COL4A4: variants seen among roughly 807,000 people sequenced by gnomAD.
The protein encoded by COL4A4 is collagen type IV alpha 4 chain.
COL4A4 carries 105 observed loss-of-function variants against 192.9 expected under a neutral mutation model. The observed-to-expected ratio is 0.54, with a 90% CI of 0.46 to 0.64. The LOEUF (loss-of-function observed/expected upper bound fraction) is 0.64, where lower values mean the gene tolerates loss of function less well. COL4A4 is among the 30% of genes least tolerant of loss of function. COL4A4 has a pLI of 0.00. For missense variants in COL4A4, 1,967 were observed against 2,169.3 expected (o/e 0.91, Z 1.85); for synonymous variants, 762 against 769.9 (o/e 0.99, Z 0.17).
chr2:227,047,488 G>T lies in COL4A4; in HGVS notation c.3276C>A (p.Ser1092Arg). 1 of 1,613,124 alleles carries T rather than the reference G, an allele frequency of 6.2e-7. No homozygotes were observed. The highest frequency in any genetic ancestry group is 2.2e-5 in the East Asian group (1 of 44,874). The change falls in exon 35 of 48, where the codon AGC becomes AGA. Residue 1092 changes from serine (S) to arginine (R), a missense_variant. Coordinates refer to ENST00000396625, the MANE Select transcript of COL4A4 (RefSeq NM_000092.5). ...GPPGPKGEPGSPGCPGHFGAS... is the reference protein window; with the variant it reads ...GPPGPKGEPGRPGCPGHFGAS... ...ATGCAGCTATACCTGGACATCCAGGGCTACCTGGCTCACCCTTTGGACCAG... is the reference window on the plus strand; with the variant it reads ...ATGCAGCTATACCTGGACATCCAGGTCTACCTGGCTCACCCTTTGGACCAG...
chr2:227,055,431 G>C (rs1975092228), intron 30 of COL4A4, among the ~76,000 whole-genome samples: 1 of 151,932 alleles, frequency 6.6e-6, no homozygotes, highest in South Asian at 2.1e-4. Context: ...GGAGTTCAAG[G>C]CTGCAGTGAG....
In COL4A4 at chr2:227,123,249, G is replaced by A. The variant is rs888443963; in HGVS notation, c.193-2101C>T. Among the ~76,000 whole-genome samples the A allele has an allele frequency of 1.8e-4, 27 of 152,190 alleles. No individual in the cohort carries two copies. Among genetic ancestry groups the A allele is most frequent in the African/African-American group, 6.0e-4 (25 of 41,448 alleles). ...ATGGGGCAGGAGCCCCGTAAAAATAGTGCAAGAACATTCACCACAGTGTTA... is the reference window on the plus strand; with the variant it reads ...ATGGGGCAGGAGCCCCGTAAAAATAATGCAAGAACATTCACCACAGTGTTA... On this transcript the variant is annotated intron_variant, in intron 4 of 47. Transcript: ENST00000396625. The surrounding 1 kb of genome is among the most constrained non-coding windows in gnomAD (Gnocchi z 4.6).
At chr2:227,041,846 A>AAGAAAGAAAGAGAGAGAG (rs1559478097) in intron 37 of COL4A4, among the ~76,000 whole-genome samples, 8 of 39,320 alleles carry the variant, frequency 2.0e-4, no homozygotes, top group African/African-American at 2.7e-4. Flanking sequence ...GAAAGAAAGA[A>AAGAAAGAAAGAGAGAGAG]AGAGAAAGAA....
intron 1 of COL4A4, among the ~76,000 whole-genome samples, chr2:227,148,255 T>G (rs1241422258): frequency 1.3e-5 from 2 of 152,206 alleles, no homozygotes; most frequent in African/African-American, 4.8e-5. Flanking sequence ...ACAACCCGCA[T>G]GTCCATCAGT....
rs886055726 is a variant in COL4A4, at chr2:227,077,918, G to A, written c.1963C>T (p.Pro655Ser). ...CCTTTCTGACCCTTCAAGCCATCAG[G>A]GCCCCTCACACCTGGGTGGCCTGGA... ...GVPGHPGVRG[P>S]DGLKGQKGDT... Residue 655 changes from proline (P) to serine (S), a missense_variant, in exon 25 of 48, where the codon CCT (proline) becomes TCT (serine). Pro to Ser is a moderately conservative substitution (Grantham distance 74, BLOSUM62 -1). Transcript: ENST00000396625. 47 of 1,613,114 alleles carry A rather than the reference G, an allele frequency of 2.9e-5. No individual in the cohort carries two copies. Among genetic ancestry groups the A allele is most frequent in the Non-Finnish European group, 3.7e-5 (44 of 1,179,982 alleles).
At chr2:227,068,979 G>T (rs1359306036) in intron 25 of COL4A4, among the ~76,000 whole-genome samples, 1 of 149,382 alleles carries the variant, frequency 6.7e-6, no homozygotes, top group African/African-American at 2.5e-5. Context: ...CATTGTCTCA[G>T]CCCAAAATCT....
intron 20 of COL4A4, among the ~76,000 whole-genome samples, chr2:227,093,790 G>A (rs1000686549): frequency 4.0e-5 from 6 of 151,592 alleles, no homozygotes; most frequent in African/African-American, 7.3e-5. Context: ...TCGACAAATC[G>A]GCTCTCCCTG....
chr2:227,068,538 C>A (rs2058498126), intron 25 of COL4A4, among the ~76,000 whole-genome samples: 1 of 152,164 alleles, frequency 6.6e-6, no homozygotes, highest in Admixed American at 6.5e-5. Context: ...TGGGCTTCAC[C>A]CCTGGGATGC....
At chr2:227,114,535 A>G in intron 8 of COL4A4, 93 bp downstream of exon 8, 3 of 1,014,216 alleles carry the variant, frequency 3.0e-6, no homozygotes, top group East Asian at 2.4e-5. Context: ...ATTCAGGGAC[A>G]TTTTGAAGAA....
intron 7 of COL4A4, among the ~76,000 whole-genome samples, chr2:227,116,450 C>G (rs1303422429): frequency 1.3e-5 from 2 of 152,188 alleles, no homozygotes; most frequent in East Asian, 1.9e-4. Context: ...ATTCAGAGCA[C>G]ACACACAGAC....
At chr2:227,033,977 G>A (rs966826847) in intron 37 of COL4A4, among the ~76,000 whole-genome samples, 7 of 152,226 alleles carry the variant, frequency 4.6e-5, no homozygotes, top group African/African-American at 1.4e-4. Flanking sequence ...GTGGCATGCT[G>A]GCAAATGCTT....
intron 37 of COL4A4, among the ~76,000 whole-genome samples, chr2:227,034,887 G>A (rs1969289503): frequency 6.6e-6 from 1 of 151,410 alleles, no homozygotes; most frequent in African/African-American, 2.4e-5. Flanking sequence ...CCCTACAAAG[G>A]ACATGAACTC....
chr2:226,978,632 C>T, the COL4A4 span, among the ~76,000 whole-genome samples: 1 of 152,240 alleles, frequency 6.6e-6, no homozygotes, highest in Non-Finnish European at 1.5e-5. Flanking sequence ...TAAACCCTCA[C>T]TGTCCTTGCC....
intron 4 of COL4A4, among the ~76,000 whole-genome samples, chr2:227,139,111 T>G (rs2063020560): frequency 6.6e-6 from 1 of 152,110 alleles, no homozygotes; most frequent in Non-Finnish European, 1.5e-5. Context: ...GAGGACTCTT[T>G]CTCTCCACCA....
At position 227,065,472 on chromosome 2, in the gene COL4A4, T is replaced by C. The variant is rs562942628; in HGVS notation, c.1988-2874A>G. On this transcript the variant is annotated intron_variant, in intron 25 of 47. Transcript: ENST00000396625. ...CAGCAGTAACCTCTGCAGACTTAAA[T>C]GTCCCTGTCTGACAGCTTTGAAGAG... is the stretch of plus-strand genomic sequence containing the variant. 1.3e-3 allele frequency among the ~76,000 whole-genome samples: 191 copies of C among 152,328 alleles called. 5 individuals carry two copies. Among genetic ancestry groups the C allele is most frequent in the Non-Finnish European group, 3.1e-4 (21 of 68,026 alleles).
chr2:227,040,486 A>G (rs1371778604), intron 37 of COL4A4, among the ~76,000 whole-genome samples: 1 of 152,220 alleles, frequency 6.6e-6, no homozygotes, highest in Non-Finnish European at 1.5e-5. Flanking sequence ...GTTTGATGAG[A>G]AAAACCTCCA....
chr2:227,151,726 T>C (rs1275184976), intron 1 of COL4A4, among the ~76,000 whole-genome samples: 1 of 152,200 alleles, frequency 6.6e-6, no homozygotes, highest in Non-Finnish European at 1.5e-5. Flanking sequence ...TCATGAGGAT[T>C]GAGCCCTCCA....
intron 1 of COL4A4, among the ~76,000 whole-genome samples, chr2:227,153,645 C>T (rs574054872): frequency 3.1e-4 from 47 of 151,804 alleles, no homozygotes; most frequent in Admixed American, 1.1e-3. Context: ...ATTAGGAAAC[C>T]GAGACAGGAG....
chr2:227,039,342 T>A (rs1373445635), intron 37 of COL4A4, among the ~76,000 whole-genome samples: 1 of 152,048 alleles, frequency 6.6e-6, no homozygotes, highest in Non-Finnish European at 1.5e-5. Flanking sequence ...AATTTTTGTA[T>A]TTTTTTAGTA....
Sources: allele counts gnomAD v4.1 joint callset (sites outside exome capture counted in the v4.1 genomes callset), GRCh38; gene constraint gnomAD v4.1.1; non-coding constraint Gnocchi (gnomAD v3.1); transcripts MANE v1.5; gene names NCBI Gene and HGNC (gene_info 2026-07-23, HGNC 2026-07-21).